The following EXOC6B variants were observed in gnomAD, a reference collection of about 807,000 sequenced individuals.
EXOC6B encodes the protein exocyst complex component 6B.
Under a neutral mutation model 113.5 loss-of-function variants are expected in EXOC6B, and 54 were observed. The ratio of observed to expected loss-of-function variants is 0.48; its 90% confidence interval spans 0.38 to 0.60. EXOC6B has a LOEUF of 0.60. EXOC6B is among the 20% of genes least tolerant of loss of function. The pLI is 0.00. For missense variants in EXOC6B, 797 were observed against 977.5 expected (o/e 0.82, Z 2.46); for synonymous variants, 357 against 339.0 (o/e 1.05, Z -0.58).
intron 20 of EXOC6B, among the ~76,000 whole-genome samples, chr2:72,272,845 T>C (rs1177598690): frequency 6.6e-6 from 1 of 152,168 alleles, no homozygotes; most frequent in African/African-American, 2.4e-5. Context: ...ATTAGAATGA[T>C]TAAAAGTACA....
chr2:72,587,398 A>G (rs1206693181), intron 6 of EXOC6B, among the ~76,000 whole-genome samples: 1 of 152,158 alleles, frequency 6.6e-6, no homozygotes, highest in Non-Finnish European at 1.5e-5. Context: ...GCAACAATAG[A>G]CACTGGGGAC....
chr2:72,408,861 CA>C (rs1259641575), intron 18 of EXOC6B, among the ~76,000 whole-genome samples: 2 of 152,128 alleles, frequency 1.3e-5, no homozygotes, highest in African/African-American at 4.8e-5. Flanking sequence ...ACAAAATTGA[CA>C]AATGGGATCT....
At chr2:72,717,843 T>C (rs1420395760) in intron 6 of EXOC6B, among the ~76,000 whole-genome samples, 1 of 152,184 alleles carries the variant, frequency 6.6e-6, no homozygotes, top group Non-Finnish European at 1.5e-5. Context: ...ATACAAACAG[T>C]AGAAAAATTT....
intron 20 of EXOC6B, among the ~76,000 whole-genome samples, chr2:72,317,957 A>G (rs550744717): frequency 6.6e-6 from 1 of 152,194 alleles, no homozygotes; most frequent in Non-Finnish European, 1.5e-5. Context: ...TTTAGCTTAG[A>G]TGAACACCAC....
At chr2:72,358,625 C>A (rs1314475005) in intron 19 of EXOC6B, among the ~76,000 whole-genome samples, 1 of 151,986 alleles carries the variant, frequency 6.6e-6, no homozygotes, top group Admixed American at 6.6e-5. Flanking sequence ...AATTGAAGAT[C>A]CAGGTTTTAA....
chr2:72,511,131 A>G (rs1442339030), intron 11 of EXOC6B, among the ~76,000 whole-genome samples: 1 of 152,138 alleles, frequency 6.6e-6, no homozygotes, highest in Non-Finnish European at 1.5e-5. Flanking sequence ...TCTGTATACT[A>G]TAACAAAAAC....
intron 20 of EXOC6B, among the ~76,000 whole-genome samples, chr2:72,304,553 G>C (rs1311934927): frequency 2.0e-5 from 3 of 152,022 alleles, no homozygotes; most frequent in East Asian, 1.9e-4. Context: ...AATTTCCATA[G>C]TTAGAAAAGG....
intron 6 of EXOC6B, among the ~76,000 whole-genome samples, chr2:72,675,586 A>G (rs1676238192): frequency 6.6e-6 from 1 of 152,180 alleles, no homozygotes; most frequent in Non-Finnish European, 1.5e-5. Context: ...TGAGCCCAGG[A>G]GTTTGAGACC....
At chr2:72,487,485 C>T (rs562703787) in intron 16 of EXOC6B, among the ~76,000 whole-genome samples, 4 of 152,268 alleles carry the variant, frequency 2.6e-5, no homozygotes, top group East Asian at 1.9e-4. Flanking sequence ...CTCAGCCTCC[C>T]GAGTAGCTAG....
chr2:72,764,223 T>A (rs974501850), intron 1 of EXOC6B, among the ~76,000 whole-genome samples: 1 of 152,228 alleles, frequency 6.6e-6, no homozygotes, highest in East Asian at 1.9e-4. Context: ...TCAATACTTA[T>A]ATACCCCTTT....
chr2:72,644,141 G>A (rs1355414918), intron 6 of EXOC6B, among the ~76,000 whole-genome samples: 1 of 152,134 alleles, frequency 6.6e-6, no homozygotes, highest in Non-Finnish European at 1.5e-5. Context: ...CGAGAACTAC[G>A]TGACACATCT....
chr2:72,352,731 A>AT (rs201972771), intron 19 of EXOC6B, among the ~76,000 whole-genome samples: 32,137 of 144,832 alleles, frequency 0.22, 6,863 homozygotes, highest in African/African-American at 0.57. Context: ...GACTGTAATC[A>AT]TTTTTTTTTT....
intron 20 of EXOC6B, among the ~76,000 whole-genome samples, chr2:72,210,552 T>C (rs1458841841): frequency 6.6e-6 from 1 of 152,208 alleles, no homozygotes; most frequent in Non-Finnish European, 1.5e-5. Context: ...CTGCCATCTA[T>C]TTCAAAGCTA....
At chr2:72,567,423 T>C (rs1312161874) in intron 7 of EXOC6B, among the ~76,000 whole-genome samples, 1 of 152,072 alleles carries the variant, frequency 6.6e-6, no homozygotes, top group Middle Eastern at 3.2e-3. Flanking sequence ...GAAACCAGAA[T>C]ATTTGCAAAT....
At chr2:72,296,066 T>C (rs1297604396) in intron 20 of EXOC6B, among the ~76,000 whole-genome samples, 3 of 152,072 alleles carry the variant, frequency 2.0e-5, no homozygotes, top group East Asian at 1.9e-4. Context: ...GCAAGTGTTA[T>C]AACAGAATCC....
chr2:72,215,709 C>T (rs1680482981), intron 20 of EXOC6B, among the ~76,000 whole-genome samples: 1 of 152,108 alleles, frequency 6.6e-6, no homozygotes. Flanking sequence ...GATCAATATA[C>T]ATGAGAAATT....
intron 1 of EXOC6B, among the ~76,000 whole-genome samples, chr2:72,808,973 G>A (rs192546807): frequency 1.2e-3 from 179 of 152,240 alleles, no homozygotes; most frequent in African/African-American, 3.9e-3. Context: ...GCTGAGGTGA[G>A]ATGATCACTT....
chr2:72,777,560 G>A (rs114955050), intron 1 of EXOC6B, among the ~76,000 whole-genome samples: 3,469 of 152,028 alleles, frequency 0.023, 57 homozygotes, highest in Non-Finnish European at 0.035. Context: ...TGACCTTTAG[G>A]AAGCACTAAA....
At chr2:72,682,443 C>T (rs545880110) in intron 6 of EXOC6B, among the ~76,000 whole-genome samples, 1 of 152,072 alleles carries the variant, frequency 6.6e-6, no homozygotes, top group Non-Finnish European at 1.5e-5. Flanking sequence ...ATATTCTCTA[C>T]CTCCTTTTCT....
Sources: gnomAD v4.1 joint callset for allele counts (sites outside exome capture counted in the v4.1 genomes callset) on GRCh38, gnomAD v4.1.1 for gene constraint, MANE v1.5 for transcripts, NCBI Gene and HGNC (gene_info 2026-07-23, HGNC 2026-07-21) for gene names.